The following CSF3R variants were observed in gnomAD, a reference collection of about 807,000 sequenced individuals.
CSF3R encodes the protein colony stimulating factor 3 receptor.
In CSF3R, 52 loss-of-function variants were observed where a neutral mutation model predicts 84.4. That is an observed-to-expected ratio of 0.62 (90% CI 0.49 to 0.78). CSF3R has a LOEUF of 0.78. Among genes scored for constraint, CSF3R ranks in the 30% least tolerant of loss-of-function variants. CSF3R has a pLI of 0.00. For synonymous variants in CSF3R, 384 were observed against 429.1 expected, an observed-to-expected ratio of 0.89 and a Z score of 1.30; for missense variants, 890 against 1,055.7, an observed-to-expected ratio of 0.84 and a Z score of 2.17.
In CSF3R at chr1:36,475,425, A is replaced by G. The variant is rs765071534; in HGVS notation, c.313T>C (p.Trp105Arg). The G allele has an allele frequency of 2.5e-6, 4 of 1,614,054 alleles. No individual in the cohort carries two copies. The highest frequency in any genetic ancestry group is 3.4e-6 in the Non-Finnish European group (4 of 1,180,038). ...TQAFLSCCLNWGNSLQILDQV... is the reference protein window; with the variant it reads ...TQAFLSCCLNRGNSLQILDQV... ...TCCAGGATCTGCAGGCTGTTGCCCC[A>G]GTTCAGGCAGCAGGAGAGAAAGGCC... Residue 105 changes from tryptophan to arginine, a missense_variant, in exon 4 of 17, where the codon TGG (tryptophan) becomes CGG (arginine). Coordinates refer to ENST00000373106, the MANE Select transcript of CSF3R (RefSeq NM_000760.4).
intron 12 of CSF3R, chr1:36,468,828 T>C (rs551146374): frequency 1.2e-5 from 4 of 334,492 alleles, no homozygotes; most frequent in South Asian, 1.2e-4. Context: ...CCCAGAGTGT[T>C]AGGATTACAG....
intron 2 of CSF3R, among the ~76,000 whole-genome samples, 175 bp downstream of exon 2, chr1:36,481,303 G>C (rs3917917): frequency 0.017 from 2,595 of 152,292 alleles, 100 homozygotes; most frequent in African/African-American, 0.06. Flanking sequence ...GTGTTGGCCT[G>C]CTTGGCCTCA....
chr1:36,474,628 T>C (rs1464750899), intron 4 of CSF3R, among the ~76,000 whole-genome samples: 2 of 152,046 alleles, frequency 1.3e-5, no homozygotes, highest in Non-Finnish European at 1.5e-5. Flanking sequence ...TACTGATTCT[T>C]AAACAAGAAC....
chr1:36,482,964 C>A (rs1293406650), upstream of CSF3R: 1 of 152,278 alleles, frequency 6.6e-6, no homozygotes, highest in African/African-American at 2.4e-5. Context: ...GATTGCAACA[C>A]CTTCCGAGCC....
intron 3 of CSF3R, among the ~76,000 whole-genome samples, chr1:36,476,620 T>TG (rs1371558156): frequency 6.7e-6 from 1 of 149,116 alleles, no homozygotes; most frequent in African/African-American, 2.5e-5. Context: ...TTGTCCCTGC[T>TG]GTTTTTTTTT....
rs550036140 is a variant in CSF3R, at chr1:36,471,743, C to T, written c.1072-97G>A. The T allele has an allele frequency of 4.0e-6, 5 of 1,262,936 alleles. No individual in the cohort carries two copies. The East Asian group carries it at 1.2e-4, about 30-fold the overall frequency. The allele number at this position is 1,262,936 out of a possible 1,614,324, so 78.2% of individuals were successfully genotyped here. On this transcript the variant is annotated intron_variant, in intron 9 of 16. Coordinates refer to ENST00000373106, the MANE Select transcript of CSF3R (RefSeq NM_000760.4). ...GGTGGATGGATCATACAAACGGAGC[C>T]TCCCCAGGCTGGGGTCCAGGCTTCT...
Position 36,466,184 on chromosome 1 carries a change from C to G in CSF3R, c.*173G>C, listed in dbSNP as rs777880216. On this transcript the variant is annotated 3_prime_UTR_variant, in exon 17 of 17. Transcript: ENST00000373106. This position sits in a 1 kb window ranked among gnomAD's most constrained non-coding sequence, Gnocchi z 4.6. ...GATCTGGTCCTTAAAGTATGCAGAT[C>G]GCCTGGGAGGCCCAGCCTATGGAGA... 1.9e-6 allele frequency: 3 copies of G among 1,614,018 alleles called. No individual in the cohort carries two copies. Among genetic ancestry groups the G allele is most frequent in the African/African-American group, 1.3e-5 (1 of 74,896 alleles).
chr1:36,469,343 G>C (rs894006609), intron 11 of CSF3R, 86 bp from the exon 12 acceptor site: 1 of 1,036,738 alleles, frequency 9.6e-7, no homozygotes, highest in Non-Finnish European at 1.5e-6. Context: ...TCTAGTGAGG[G>C]CTAACCTGGC....
chr1:36,469,778 C>G lies in CSF3R; in HGVS notation c.1348G>C (p.Glu450Gln), dbSNP rs766441662. ...CCCTGAGGCCATGGATTGGGGGGCT[C>G]CCAGCCTACCCAGAGGCTGTGAGGG... ...RDPHSLWVGW[E>Q]PPNPWPQGYV... The change falls in exon 11 of 17, where the codon GAG becomes CAG. Residue 450 changes from glutamate to glutamine, a missense_variant. Glu to Gln is a conservative substitution (Grantham distance 29, BLOSUM62 2). Transcript: ENST00000373106. 5 of 1,614,134 alleles carry G rather than the reference C, an allele frequency of 3.1e-6. No individual in the cohort carries two copies. In the South Asian group the frequency reaches 5.5e-5, roughly 18 times the overall value.
chr1:36,474,028 T>A (rs971217813), intron 4 of CSF3R, 141 bp from the exon 5 acceptor site: 1 of 1,335,754 alleles, frequency 7.5e-7, no homozygotes, highest in African/African-American at 1.4e-5. Flanking sequence ...CCAGGCAGAG[T>A]GGCTCTGGAA....
Position 36,473,630 on chromosome 1 carries a change from T to TA in CSF3R, c.486-9dup, listed in dbSNP as rs764102609. 10 of 1,614,000 alleles carry TA rather than the reference T, an allele frequency of 6.2e-6. No individual in the cohort carries two copies. In the African/African-American group the frequency reaches 1.3e-4, roughly 22 times the overall value. On this transcript the variant is annotated splice_polypyrimidine_tract_variant and intron_variant, in intron 5 of 16. Transcript: ENST00000373106. ...TGACAGTTGCCCCGGCTCCTGCCAA[T>TA]AGTCCAGGCTTGGGTGCCAAGCAGA...
In CSF3R at chr1:36,482,903, C is replaced by T. The variant is rs746406932; in HGVS notation, c.-173G>A. ...AAACCAGCTGCAGTCCAGCTTCTCT[C>T]CCCGAGCTCTGTCGTTAATGGCTCA... On this transcript the variant is annotated 5_prime_UTR_variant, in exon 1 of 17. Coordinates refer to ENST00000373106, the MANE Select transcript of CSF3R (RefSeq NM_000760.4). 7.9e-5 allele frequency: 12 copies of T among 152,446 alleles called. No individual in the cohort carries two copies. Among genetic ancestry groups the T allele is most frequent in the Middle Eastern group, 6.8e-3 (2 of 294 alleles). The allele number at this position is 152,446 out of a possible 1,614,324, so 9.4% of individuals were successfully genotyped here.
intron 10 of CSF3R, 152 bp from the exon 11 acceptor site, chr1:36,469,992 TAGA>T: frequency 2.4e-6 from 2 of 819,326 alleles, no homozygotes; most frequent in Non-Finnish European, 4.0e-6. Context: ...ATCTGTAAAG[TAGA>T]AATGATGATA....
intron 10 of CSF3R, among the ~76,000 whole-genome samples, chr1:36,470,681 A>G (rs1422511298): frequency 6.6e-6 from 1 of 152,202 alleles, no homozygotes; most frequent in Non-Finnish European, 1.5e-5. Context: ...GCGAGGACCA[A>G]TGTTTAGGGA....
chr1:36,479,238 C>T, intron 3 of CSF3R, 195 bp downstream of exon 3: 1 of 676,736 alleles, frequency 1.5e-6, no homozygotes, highest in Non-Finnish European at 2.7e-6. Context: ...GTCGTCTCAC[C>T]ATTCCTCTTG....
rs1049604352 is a variant in CSF3R, at chr1:36,471,731, T to C, written c.1072-85A>G. Reference sequence around the variant, plus strand: ...GCCTCTAGGTGGGGTGGATGGATCATACAAACGGAGCCTCCCCAGGCTGGG... The same window carrying C: ...GCCTCTAGGTGGGGTGGATGGATCACACAAACGGAGCCTCCCCAGGCTGGG... On this transcript the variant is annotated intron_variant, in intron 9 of 16. Transcript: ENST00000373106. The C allele has an allele frequency of 4.3e-5, 59 of 1,385,520 alleles. No homozygotes were observed. The South Asian group carries it at 6.7e-4, about 16-fold the overall frequency. The allele number at this position is 1,385,520 out of a possible 1,614,324, so 85.8% of individuals were successfully genotyped here. A position where few individuals can be genotyped will look rare whatever the true frequency, so the allele number is the denominator to read the frequency against.
chr1:36,482,086 G>C (rs995029159), intron 1 of CSF3R: 1 of 152,538 alleles, frequency 6.6e-6, no homozygotes, highest in Admixed American at 6.5e-5. Flanking sequence ...GGGTGGGGAG[G>C]GAGGAGGGGG....
Position 36,468,076 on chromosome 1 carries a change from G to T in CSF3R, c.1722C>A (p.Phe574Leu). ...TGGGGGAACTGAGGATAGACTCACAGAAGGACTGGTTCTGAGCGTTGGTCC... is the reference window on the plus strand; with the variant it reads ...TGGGGGAACTGAGGATAGACTCACATAAGGACTGGTTCTGAGCGTTGGTCC... The part of the protein sequence containing the change: ...IFWTNAQNQS[F>L]SAILNASSRG... Residue 574 changes from phenylalanine (F) to leucine (L), a missense_variant and splice_region_variant, in exon 13 of 17, where the codon TTC (phenylalanine) becomes TTA (leucine). By Grantham distance (22) the Phe-to-Leu change is conservative. Transcript: ENST00000373106. 1 of 1,614,268 alleles carries T rather than the reference G, an allele frequency of 6.2e-7. No individual in the cohort carries two copies. Among genetic ancestry groups the T allele is most frequent in the Non-Finnish European group, 8.5e-7 (1 of 1,180,044 alleles).
chr1:36,467,377 C>G lies in CSF3R; in HGVS notation c.1959-66G>C, dbSNP rs1650393382. 1.3e-6 allele frequency: 2 copies of G among 1,539,364 alleles called. No individual in the cohort carries two copies. Among genetic ancestry groups the G allele is most frequent in the African/African-American group, 1.4e-5 (1 of 73,226 alleles). On this transcript the variant is annotated intron_variant, in intron 15 of 16. Transcript: ENST00000373106. This position sits in a 1 kb window ranked among gnomAD's most constrained non-coding sequence, Gnocchi z 4.1. ...TCCGATCTTTCCATTTTTTGTCCCA[C>G]CCACCCCACCTGAAGAGGTGCAGCT...
Sources: gnomAD v4.1 joint callset for allele counts (sites outside exome capture counted in the v4.1 genomes callset) on GRCh38, gnomAD v4.1.1 for gene constraint, Gnocchi (gnomAD v3.1) non-coding constraint, MANE v1.5 for transcripts, NCBI Gene and HGNC (gene_info 2026-07-23, HGNC 2026-07-21) for gene names.